FAAH2: variants seen among roughly 807,000 people sequenced by gnomAD.
The protein encoded by FAAH2 is fatty-acid amide hydrolase 2.
FAAH2 carries 60 observed loss-of-function variants against 36.9 expected under a neutral mutation model. The observed-to-expected ratio is 1.63, with a 90% CI of 1.32 to 2.02. The LOEUF (loss-of-function observed/expected upper bound fraction) is 2.02, where lower values mean the gene tolerates loss of function less well. FAAH2 is among the 30% of genes most tolerant of loss of function. The probability of loss-of-function intolerance (pLI) is 0.00; values close to 1 mark genes in which losing one functional copy is unlikely to be tolerated. For synonymous variants in FAAH2, 214 were observed against 143.8 expected, an observed-to-expected ratio of 1.49 and a Z score of -3.49; for missense variants, 689 against 397.5, an observed-to-expected ratio of 1.73 and a Z score of -6.23.
At chrX:57,201,931 A>T in the FAAH2 span, among the ~76,000 whole-genome samples, 1 of 111,467 alleles carries the variant, frequency 9.0e-6, no homozygotes, top group Non-Finnish European at 1.9e-5. Flanking sequence ...AAAGACTGTA[A>T]TACATTCTTA....
chrX:57,299,458 A>G (rs1366586132), intron 2 of FAAH2, among the ~76,000 whole-genome samples: 2 of 111,389 alleles, frequency 1.8e-5, no homozygotes, highest in African/African-American at 6.5e-5. Context: ...ATGTATCTCA[A>G]AATAATAAGA....
chrX:57,351,494 C>G (rs761466451), intron 5 of FAAH2, among the ~76,000 whole-genome samples: 1 of 110,455 alleles, frequency 9.1e-6, no homozygotes, highest in East Asian at 2.8e-4. Flanking sequence ...AATATTAAAA[C>G]AGAGCTAAAT....
chrX:57,222,440 G>A, the FAAH2 span, among the ~76,000 whole-genome samples: 13 of 111,422 alleles, frequency 1.2e-4, no homozygotes, highest in Non-Finnish European at 2.3e-4. Context: ...GGGACCTACC[G>A]CCCAGGTTGT....
chrX:57,487,373 A>T (rs1436133236), intron 10 of FAAH2, among the ~76,000 whole-genome samples: 1 of 111,759 alleles, frequency 8.9e-6, no homozygotes, highest in East Asian at 2.8e-4. Context: ...ATATTTGCAA[A>T]TTATATAACG....
the FAAH2 span, among the ~76,000 whole-genome samples, chrX:57,200,506 A>G: frequency 1.8e-5 from 2 of 109,312 alleles, no homozygotes; most frequent in Admixed American, 2.0e-4. Context: ...AGCCTCCCGA[A>G]TAGCTGGAAT....
the FAAH2 span, among the ~76,000 whole-genome samples, chrX:57,261,552 C>CAA: frequency 0.012 from 284 of 22,911 alleles, 9 homozygotes; most frequent in African/African-American, 0.015. Context: ...GACTCTGTCT[C>CAA]AAAAAAAAAA....
intron 5 of FAAH2, among the ~76,000 whole-genome samples, chrX:57,354,865 T>C (rs777746314): frequency 5.4e-5 from 6 of 110,829 alleles, no homozygotes; most frequent in Admixed American, 3.9e-4. Flanking sequence ...GATGCTAATT[T>C]TTAAAATATT....
chrX:57,315,241 G>A (rs1364057286), intron 3 of FAAH2, among the ~76,000 whole-genome samples: 2 of 111,251 alleles, frequency 1.8e-5, no homozygotes, highest in Non-Finnish European at 3.8e-5. Flanking sequence ...CCAATATTGA[G>A]CTGTGAGATG....
At chrX:57,381,223 G>T (rs780631583) in intron 7 of FAAH2, among the ~76,000 whole-genome samples, 194 bp downstream of exon 7, 1 of 111,280 alleles carries the variant, frequency 9.0e-6, no homozygotes, top group Non-Finnish European at 1.9e-5. Context: ...GTAATGAAAT[G>T]AGTACTTTGA....
intron 2 of FAAH2, among the ~76,000 whole-genome samples, chrX:57,302,368 C>T (rs1345303580): frequency 9.0e-6 from 1 of 111,539 alleles, no homozygotes; most frequent in East Asian, 2.8e-4. Flanking sequence ...TTCATTTATC[C>T]CACAAATGGT....
At chrX:57,290,776 T>A (rs1358855805) in intron 1 of FAAH2, among the ~76,000 whole-genome samples, 2 of 111,927 alleles carry the variant, frequency 1.8e-5, no homozygotes, top group African/African-American at 6.5e-5. Flanking sequence ...TTACTTTTTA[T>A]AAATAAAAGC....
At chrX:57,306,438 T>C (rs2052524837) in intron 2 of FAAH2, among the ~76,000 whole-genome samples, 1 of 110,635 alleles carries the variant, frequency 9.0e-6, no homozygotes, top group South Asian at 3.8e-4. Context: ...GTGTGGCCAA[T>C]AATCATAAAG....
Position 57,373,490 on chromosome X carries a change from T to C in FAAH2, c.743-5161T>C, listed in dbSNP as rs189777588. On this transcript the variant is annotated intron_variant, in intron 5 of 10. Coordinates refer to ENST00000374900, the MANE Select transcript of FAAH2 (RefSeq NM_174912.4). ...CCCTGATTATTAGTGAAATTGAGCA[T>C]TTTTTTCATATGTTTGTTGGCCATT... Among the ~76,000 whole-genome samples the C allele has an allele frequency of 3.6e-4, 40 of 111,433 alleles. 1 individual carries two copies. The highest frequency in any genetic ancestry group is 1.3e-3 in the African/African-American group (40 of 30,792).
At chrX:57,221,209 T>C in the FAAH2 span, among the ~76,000 whole-genome samples, 1 of 110,931 alleles carries the variant, frequency 9.0e-6, no homozygotes, top group East Asian at 2.9e-4. Flanking sequence ...CAGAAATATC[T>C]TTCCAAAACT....
chrX:57,430,399 TG>T (rs2056266452), intron 7 of FAAH2, among the ~76,000 whole-genome samples: 1 of 111,455 alleles, frequency 9.0e-6, no homozygotes, highest in Non-Finnish European at 1.9e-5. Context: ...TATATGTTGT[TG>T]GGCGTGTGGT....
the FAAH2 span, among the ~76,000 whole-genome samples, chrX:57,161,714 T>C: frequency 8.9e-6 from 1 of 111,771 alleles, no homozygotes; most frequent in East Asian, 2.8e-4. Context: ...ATTTGCTTGG[T>C]AGATCTTCCC....
chrX:57,190,353 T>A, the FAAH2 span, among the ~76,000 whole-genome samples: 5 of 107,501 alleles, frequency 4.7e-5, no homozygotes, highest in East Asian at 2.9e-4. Flanking sequence ...TGGGACTCAC[T>A]GAGCAAGACC....
chrX:57,260,904 G>A, the FAAH2 span, among the ~76,000 whole-genome samples: 2 of 111,710 alleles, frequency 1.8e-5, no homozygotes, highest in East Asian at 5.6e-4. Context: ...ACAAGTGTTG[G>A]TGAGAATGTA....
intron 10 of FAAH2, among the ~76,000 whole-genome samples, chrX:57,467,498 C>A (rs967556874): frequency 3.6e-5 from 4 of 111,846 alleles, no homozygotes; most frequent in African/African-American, 1.3e-4. Flanking sequence ...GAGCCACACT[C>A]ATTGCTAGCA....
Sources: allele counts gnomAD v4.1 joint callset (sites outside exome capture counted in the v4.1 genomes callset), GRCh38; gene constraint gnomAD v4.1.1; transcripts MANE v1.5; gene names NCBI Gene and HGNC (gene_info 2026-07-23, HGNC 2026-07-21).